NFIC: variants seen among roughly 807,000 people sequenced by gnomAD.
NFIC encodes nuclear factor 1 C-type.
A neutral mutation model predicts 54.4 loss-of-function variants in NFIC; 12 were observed. The observed-to-expected ratio is 0.22, with a 90% CI of 0.14 to 0.36. The LOEUF is 0.36. NFIC is among the 10% of genes least tolerant of loss of function. NFIC has a pLI of 1.00. For synonymous variants in NFIC, 322 were observed against 319.2 expected, an observed-to-expected ratio of 1.01 and a Z score of -0.09; for missense variants, 575 against 718.2, an observed-to-expected ratio of 0.80 and a Z score of 2.28.
At chr19:3,391,511 C>G (rs925169436) in intron 2 of NFIC, among the ~76,000 whole-genome samples, 1 of 151,830 alleles carries the variant, frequency 6.6e-6, no homozygotes, top group Non-Finnish European at 1.5e-5. Flanking sequence ...ATTAGCCAGT[C>G]GTAGGCCAGG....
chr19:3,394,050 C>T (rs2081418675), intron 2 of NFIC, among the ~76,000 whole-genome samples: 1 of 151,564 alleles, frequency 6.6e-6, no homozygotes, highest in Non-Finnish European at 1.5e-5. Context: ...TCAAGCAGTT[C>T]TCCTGCCTCA....
rs368508143 is a variant in NFIC, at chr19:3,384,837, T to C, written c.562+2594T>C. Among the ~76,000 whole-genome samples, 22 of 152,088 alleles carry C rather than the reference T, an allele frequency of 1.4e-4. No homozygotes were observed. The South Asian group carries it at 4.4e-3, about 30-fold the overall frequency. On this transcript the variant is annotated intron_variant, in intron 2 of 10. Coordinates refer to ENST00000443272, the MANE Select transcript of NFIC (RefSeq NM_001245002.2). ...CAGAGAGGTGGGCCGGGTGACTGCC[T>C]GTTGGGAGCAGGGGCCACCGTGGGG...
At chr19:3,419,595 C>G (rs560093578) in intron 2 of NFIC, among the ~76,000 whole-genome samples, 2 of 151,876 alleles carry the variant, frequency 1.3e-5, no homozygotes, top group Non-Finnish European at 2.9e-5. Flanking sequence ...TTGGTGAAAC[C>G]CCATCTCTAC....
chr19:3,403,945 C>G lies in NFIC; in HGVS notation c.563-21161C>G, dbSNP rs1283097481. 3.3e-5 allele frequency among the ~76,000 whole-genome samples: 5 copies of G among 152,160 alleles called. No individual in the cohort carries two copies. The East Asian group carries it at 9.7e-4, about 29-fold the overall frequency. On this transcript the variant is annotated intron_variant, in intron 2 of 10. Transcript: ENST00000443272. ...GCCACTGATCCCTTCCGGAGCCTCT[C>G]CATGGGGACGCCCGTGTGTGCGCTC...
intron 1 of NFIC, among the ~76,000 whole-genome samples, chr19:3,372,355 A>G (rs1352119835): frequency 6.6e-6 from 1 of 151,994 alleles, no homozygotes; most frequent in Non-Finnish European, 1.5e-5. Context: ...AGCCCTGTCC[A>G]GGGTCTCCCT....
At chr19:3,398,821 G>T (rs953798999) in intron 2 of NFIC, among the ~76,000 whole-genome samples, 3 of 152,202 alleles carry the variant, frequency 2.0e-5, no homozygotes, top group Non-Finnish European at 4.4e-5. Flanking sequence ...GCGCCCAGCT[G>T]GGGAGGGGGA....
At chr19:3,455,611 C>T (rs1265943624) in intron 9 of NFIC, among the ~76,000 whole-genome samples, 1 of 151,602 alleles carries the variant, frequency 6.6e-6, no homozygotes, top group East Asian at 1.9e-4. Flanking sequence ...TGCTTAGGAT[C>T]CACTCAGGGC....
chr19:3,370,916 C>T lies in NFIC; in HGVS notation c.30+4250C>T, dbSNP rs549199649. On this transcript the variant is annotated intron_variant, in intron 1 of 10. Transcript: ENST00000443272. This position sits in a 1 kb window ranked among gnomAD's most constrained non-coding sequence, Gnocchi z 5.2. ...GCCCTGAGCACACAGCGTGCGGGCA[C>T]CCAAGTCCTGACCAGTTCACATCCA... Among the ~76,000 whole-genome samples, 1 of 152,328 alleles carries T rather than the reference C, an allele frequency of 6.6e-6. No individual in the cohort carries two copies. Among genetic ancestry groups the T allele is most frequent in the South Asian group, 2.1e-4 (1 of 4,820 alleles).
chr19:3,384,210 A>G (rs1487947160), intron 2 of NFIC, among the ~76,000 whole-genome samples: 1 of 151,140 alleles, frequency 6.6e-6, no homozygotes, highest in Non-Finnish European at 1.5e-5. Context: ...GCACACCACC[A>G]CACCCAGCTA....
chr19:3,454,852 C>A (rs770574105), intron 9 of NFIC, among the ~76,000 whole-genome samples: 1 of 152,084 alleles, frequency 6.6e-6, no homozygotes, highest in Non-Finnish European at 1.5e-5. Flanking sequence ...TTCCTGTCCC[C>A]GTCCCCACTG....
At position 3,466,451 on chromosome 19, in the gene NFIC, A is replaced by G. The variant is rs867052559; in HGVS notation, c.*3682A>G. 7.3e-5 allele frequency: 11 copies of G among 150,834 alleles called. No individual in the cohort carries two copies. The highest frequency in any genetic ancestry group is 2.4e-4 in the African/African-American group (10 of 40,908). 9.3% of individuals were successfully genotyped at this position (150,834 alleles called of 1,614,324 possible). ...GTCCCATTCATTCACTATTGCCCCC[A>G]ACCCCGGGATTTTGGGTGGTCTCCA... On this transcript the variant is annotated 3_prime_UTR_variant, in exon 11 of 11. Transcript: ENST00000443272. This position sits in a 1 kb window ranked among gnomAD's most constrained non-coding sequence, Gnocchi z 4.8.
rs147828187 is a variant in NFIC at position 3,431,799 on chromosome 19, C to T, written c.635-1719C>T. Among the ~76,000 whole-genome samples the T allele has an allele frequency of 2.5e-4, 38 of 152,326 alleles. No individual in the cohort carries two copies. The East Asian group carries it at 6.9e-3, about 28-fold the overall frequency. ...GATTACAGGCATGAGCCACCACGCCCGGCATCCTTTTCACGGCTGAGTCCT... is the reference window on the plus strand; with the variant it reads ...GATTACAGGCATGAGCCACCACGCCTGGCATCCTTTTCACGGCTGAGTCCT... On this transcript the variant is annotated intron_variant, in intron 3 of 10. Transcript: ENST00000443272.
intron 3 of NFIC, among the ~76,000 whole-genome samples, chr19:3,432,051 C>T (rs1015989377): frequency 3.9e-5 from 6 of 152,164 alleles, no homozygotes; most frequent in Non-Finnish European, 1.5e-5. Context: ...GGGCCCAGCT[C>T]AGAATCAGAC....
intron 2 of NFIC, among the ~76,000 whole-genome samples, chr19:3,422,540 A>G (rs938539073): frequency 1.3e-5 from 2 of 151,062 alleles, no homozygotes; most frequent in East Asian, 4.1e-4. Context: ...ACACGGTGAA[A>G]CCCCGTCTCT....
Position 3,382,092 on chromosome 19 carries a change from G to A in NFIC, c.411G>A (p.Leu137=), listed in dbSNP as rs1028361532. 4.3e-6 allele frequency: 7 copies of A among 1,613,292 alleles called. No homozygotes were observed. Among genetic ancestry groups the A allele is most frequent in the Non-Finnish European group, 4.2e-6 (5 of 1,179,958 alleles). The change falls in exon 2 of 11, where the codon CTG becomes CTA. Residue 137 remains leucine, a synonymous_variant. Coordinates refer to ENST00000443272, the MANE Select transcript of NFIC (RefSeq NM_001245002.2). ...GGCTGGACCTGGTCATGGTCATCCT[G>A]TTCAAGGGCATCCCGCTGGAGAGCA... ...VWRLDLVMVI[L]FKGIPLESTD... is the part of the protein sequence containing the mutation.
chr19:3,365,374 C>T (rs1271054730), upstream of NFIC, among the ~76,000 whole-genome samples: 1 of 152,186 alleles, frequency 6.6e-6, no homozygotes, highest in Non-Finnish European at 1.5e-5. Flanking sequence ...CCCAGCAATC[C>T]CACAGGATGG....
chr19:3,447,754 C>A (rs1178723788), intron 6 of NFIC, among the ~76,000 whole-genome samples: 3 of 152,232 alleles, frequency 2.0e-5, no homozygotes, highest in Non-Finnish European at 2.9e-5. Context: ...GGTCGCACAG[C>A]CTCATGGCCA....
At chr19:3,359,715 C>T in intron 1 of NFIC, 1 of 1,422,360 alleles carries the variant, frequency 7.0e-7, no homozygotes, top group Non-Finnish European at 9.3e-7. Context: ...TTCGTTTTCG[C>T]CCGGGGACTT....
intron 2 of NFIC, among the ~76,000 whole-genome samples, chr19:3,415,233 C>T (rs563865814): frequency 3.1e-4 from 47 of 151,828 alleles, no homozygotes; most frequent in African/African-American, 1.1e-3. Flanking sequence ...CTGCCTCAGC[C>T]TCCTGAGTAG....
Sources: gnomAD v4.1 joint callset for allele counts (sites outside exome capture counted in the v4.1 genomes callset) on GRCh38, gnomAD v4.1.1 for gene constraint, Gnocchi (gnomAD v3.1) non-coding constraint, MANE v1.5 for transcripts, NCBI Gene and HGNC (gene_info 2026-07-23, HGNC 2026-07-21) for gene names.